Variants in TXNRD1 observed in about 807,000 individuals in gnomAD.
TXNRD1 encodes thioredoxin reductase 1, cytoplasmic.
TXNRD1 carries 57 observed loss-of-function variants against 80.3 expected under a neutral mutation model. The ratio of observed to expected loss-of-function variants is 0.71; its 90% CI spans 0.57 to 0.89. The LOEUF (loss-of-function observed/expected upper bound fraction) is 0.89, where lower values mean the gene tolerates loss of function less well. Among genes scored for constraint, TXNRD1 ranks in the 40% least tolerant of loss-of-function variants. The pLI, the probability that TXNRD1 is intolerant of heterozygous loss-of-function variation, is 0.00. For synonymous variants in TXNRD1, 291 were observed against 285.2 expected (o/e 1.02, Z -0.20); for missense variants, 730 against 803.0 (o/e 0.91, Z 1.10).
At chr12:104,287,227 CG>C in intron 3 of TXNRD1, 1 of 1,611,676 alleles carries the variant, frequency 6.2e-7, no homozygotes. Context: ...GTGTGCGTCT[CG>C]GGGAAGGGAA....
intron 3 of TXNRD1, chr12:104,286,280 TGA>T (rs1331101399): frequency 1.3e-5 from 2 of 152,226 alleles, no homozygotes; most frequent in Non-Finnish European, 2.9e-5. Flanking sequence ...CAGGGAAGCA[TGA>T]GAGAGCATGG....
chr12:104,290,760 T>C (rs2034172860), intron 4 of TXNRD1, among the ~76,000 whole-genome samples: 3 of 121,112 alleles, frequency 2.5e-5, no homozygotes, highest in South Asian at 5.8e-4. Context: ...TATATATATG[T>C]ATATTTCTTC....
At chr12:104,235,090 C>T (rs2032707446) in intron 1 of TXNRD1, among the ~76,000 whole-genome samples, 1 of 152,302 alleles carries the variant, frequency 6.6e-6, no homozygotes, top group South Asian at 2.1e-4. Flanking sequence ...CAAAGAATTT[C>T]TCAGCAAGGC....
At chr12:104,311,055 C>T (rs547810174) in intron 4 of TXNRD1, among the ~76,000 whole-genome samples, 7 of 152,134 alleles carry the variant, frequency 4.6e-5, no homozygotes, top group South Asian at 2.1e-4. Flanking sequence ...AGGTACTATA[C>T]GAACACTTCA....
chr12:104,330,248 C>T (rs548959912), intron 13 of TXNRD1, among the ~76,000 whole-genome samples: 16 of 152,076 alleles, frequency 1.1e-4, no homozygotes, highest in Admixed American at 5.2e-4. Context: ...TACTTTGGAT[C>T]GCCTCTGTGT....
chr12:104,347,161 CTCTT>C (rs1299691682), intron 16 of TXNRD1, among the ~76,000 whole-genome samples: 17 of 150,726 alleles, frequency 1.1e-4, no homozygotes, highest in Admixed American at 2.7e-4. Flanking sequence ...AATGATGAGC[CTCTT>C]TCTTCTTATA....
At chr12:104,339,743 G>T (rs1329039757) in intron 16 of TXNRD1, among the ~76,000 whole-genome samples, 4 of 152,142 alleles carry the variant, frequency 2.6e-5, no homozygotes, top group Admixed American at 1.3e-4. Context: ...GTGTTTCTTC[G>T]CTACCAGTGA....
chr12:104,288,856 G>T (rs774177397), intron 3 of TXNRD1, 75 bp from the exon 4 acceptor site: 4 of 1,612,132 alleles, frequency 2.5e-6, no homozygotes, highest in East Asian at 4.5e-5. Flanking sequence ...CGGAAGCCCC[G>T]CCCCCGGCGC....
intron 4 of TXNRD1, among the ~76,000 whole-genome samples, chr12:104,308,502 ATATAT>A (rs986366018): frequency 1.1e-4 from 16 of 152,228 alleles, no homozygotes; most frequent in African/African-American, 3.6e-4. Context: ...CATTTAATAA[ATATAT>A]TATTTTTAAT....
Position 104,325,448 on chromosome 12 carries a change from T to C in TXNRD1, c.1308+19T>C, listed in dbSNP as rs767879738. On this transcript the variant is annotated intron_variant, in intron 11 of 16. Transcript: ENST00000525566. ...TAATACGGTAAGGAATGGGCCCAGG[T>C]TAATACTTTATCAGAAAGCAAATAA... 3 of 1,559,922 alleles carry C rather than the reference T, an allele frequency of 1.9e-6. No individual in the cohort carries two copies. Among genetic ancestry groups the C allele is most frequent in the Non-Finnish European group, 2.6e-6 (3 of 1,134,342 alleles).
At chr12:104,321,388 G>T (rs1593836564) in intron 10 of TXNRD1, 72 bp downstream of exon 10, 2 of 1,204,752 alleles carry the variant, frequency 1.7e-6, no homozygotes, top group East Asian at 4.7e-5. Context: ...TTGAGTTGGT[G>T]GTAGAAGCAT....
At chr12:104,342,444 AT>A (rs1416531285) in intron 16 of TXNRD1, among the ~76,000 whole-genome samples, 1 of 152,138 alleles carries the variant, frequency 6.6e-6, no homozygotes, top group Non-Finnish European at 1.5e-5. Context: ...CCAAATACAT[AT>A]TTCTTCTCAT....
At chr12:104,218,246 G>A (rs946301531) in intron 1 of TXNRD1, among the ~76,000 whole-genome samples, 16 of 152,000 alleles carry the variant, frequency 1.1e-4, no homozygotes, top group African/African-American at 3.6e-4. Flanking sequence ...GGCTGGTCTT[G>A]AACTCTTGAC....
chr12:104,287,154 G>A, intron 3 of TXNRD1: 1 of 1,554,350 alleles, frequency 6.4e-7, no homozygotes, highest in Non-Finnish European at 8.7e-7. Context: ...GCGAGCCCAG[G>A]GATGGGAGCA....
At chr12:104,258,803 G>A (rs2033305684) in intron 3 of TXNRD1, among the ~76,000 whole-genome samples, 1 of 152,156 alleles carries the variant, frequency 6.6e-6, no homozygotes, top group Non-Finnish European at 1.5e-5. Context: ...AGTGGCATGA[G>A]CCCATAGTTC....
At chr12:104,285,518 C>A (rs2033952231) in intron 3 of TXNRD1, among the ~76,000 whole-genome samples, 1 of 152,182 alleles carries the variant, frequency 6.6e-6, no homozygotes, top group Non-Finnish European at 1.5e-5. Context: ...ATTATAATCA[C>A]TCTGAGCTGT....
chr12:104,275,848 TTTTACATCTATTTACATCC>T (rs1439635691), intron 3 of TXNRD1, among the ~76,000 whole-genome samples: 7 of 152,356 alleles, frequency 4.6e-5, no homozygotes, highest in Middle Eastern at 3.4e-3. Context: ...CTATTGAGTC[TTTTACATCTATTTACATCC>T]TTTACATCTA....
intron 4 of TXNRD1, chr12:104,304,379 T>G: frequency 6.2e-7 from 1 of 1,614,074 alleles, no homozygotes; most frequent in Non-Finnish European, 8.5e-7. Context: ...CATAGCTCTT[T>G]CCTTCTGGAA....
Position 104,224,967 on chromosome 12 carries a change from A to G in TXNRD1, c.91+9074A>G, listed in dbSNP as rs990355320. 2.4e-4 allele frequency: 109 copies of G among 452,188 alleles called. 2 individuals carry two copies. Among genetic ancestry groups the G allele is most frequent in the Admixed American group, 2.3e-3 (97 of 41,754 alleles). 28.0% of individuals were successfully genotyped at this position (452,188 alleles called of 1,614,324 possible). On this transcript the variant is annotated intron_variant, in intron 1 of 16. Coordinates refer to ENST00000525566, the MANE Select transcript of TXNRD1 (RefSeq NM_001093771.3). ...TTTTACAGTGTATTTCCAATGTCCC[A>G]TATGGAACATTGTATTTCCCAGTAA...
Sources: gnomAD v4.1 joint callset for allele counts (sites outside exome capture counted in the v4.1 genomes callset) on GRCh38, gnomAD v4.1.1 for gene constraint, MANE v1.5 for transcripts, NCBI Gene and HGNC (gene_info 2026-07-23, HGNC 2026-07-21) for gene names.